The following IL10RB variants were observed in gnomAD, a reference collection of about 807,000 sequenced individuals.
IL10RB encodes interleukin-10 receptor subunit beta.
In IL10RB, 30 loss-of-function variants were observed where a neutral mutation model predicts 38.7. The observed-to-expected ratio is 0.78, with a 90% CI of 0.58 to 1.05. The LOEUF (loss-of-function observed/expected upper bound fraction) is 1.05, where lower values mean the gene tolerates loss of function less well. Ranked by LOEUF, IL10RB falls within the 50% of genes least tolerant of loss-of-function variation. The pLI is 0.00. For missense variants in IL10RB, 328 were observed against 397.1 expected (o/e 0.83, Z 1.48); for synonymous variants, 142 against 145.9 (o/e 0.97, Z 0.19).
chr21:33,284,070 C>T (rs936076970), intron 5 of IL10RB, among the ~76,000 whole-genome samples: 4 of 151,996 alleles, frequency 2.6e-5, no homozygotes, highest in Non-Finnish European at 2.9e-5. Context: ...CCGAGGCGGG[C>T]GGATCACCTG....
rs1269229004 is a variant in IL10RB at position 33,283,224 on chromosome 21, A to G, written c.629A>G (p.Glu210Gly). The part of the protein sequence containing the change: ...KAGEWSEPVC[E>G]QTTHDETVPS... The stretch of plus-strand genomic sequence containing the variant: ...GGGGAATGGAGTGAGCCTGTCTGTG[A>G]GCAAACAACCCATGACGGTAAGCCC... Residue 210 changes from glutamate (E) to glycine (G), a missense_variant, in exon 5 of 7, where the codon GAG becomes GGG. By Grantham distance (98) the Glu-to-Gly change is moderately conservative. Coordinates refer to ENST00000290200, the MANE Select transcript of IL10RB (RefSeq NM_000628.5). 1 of 1,613,966 alleles carries G rather than the reference A, an allele frequency of 6.2e-7. No individual in the cohort carries two copies. Among genetic ancestry groups the G allele is most frequent in the South Asian group, 1.1e-5 (1 of 91,066 alleles).
intron 6 of IL10RB, among the ~76,000 whole-genome samples, chr21:33,295,250 C>T (rs1237914427): frequency 2.0e-5 from 3 of 148,822 alleles, no homozygotes; most frequent in African/African-American, 4.9e-5. Flanking sequence ...CCCAGCTACT[C>T]GGGAGGCTGA....
intron 6 of IL10RB, among the ~76,000 whole-genome samples, chr21:33,291,279 T>C (rs959627917): frequency 8.6e-5 from 13 of 151,794 alleles, no homozygotes; most frequent in Non-Finnish European, 1.5e-4. Flanking sequence ...TTTCTTTTTT[T>C]TTTGGAGACG....
chr21:33,303,108 G>A (rs1466368060), intron 1 of IL10RB, among the ~76,000 whole-genome samples: 1 of 152,158 alleles, frequency 6.6e-6, no homozygotes, highest in African/African-American at 2.4e-5. Flanking sequence ...GAGTAGGGAA[G>A]GGGGAGCCAC....
intron 2 of IL10RB, 29 bp downstream of exon 2, chr21:33,268,546 C>G (rs376228024): frequency 1.2e-5 from 19 of 1,524,026 alleles, no homozygotes; most frequent in Non-Finnish European, 1.6e-5. Flanking sequence ...TTGGCAGGAA[C>G]GCACCGGAGG....
intron 2 of IL10RB, among the ~76,000 whole-genome samples, chr21:33,269,170 A>G (rs1269000382): frequency 6.6e-6 from 1 of 152,146 alleles, no homozygotes; most frequent in East Asian, 1.9e-4. Flanking sequence ...AGTGAGTGTC[A>G]CCCTAGACGG....
intron 1 of IL10RB, chr21:33,308,839 T>A (rs1240695390): frequency 6.6e-6 from 1 of 152,248 alleles, no homozygotes; most frequent in African/African-American, 2.4e-5. Flanking sequence ...TGTATTTTCA[T>A]CTATGTTATA....
intron 5 of IL10RB, among the ~76,000 whole-genome samples, chr21:33,285,022 C>G (rs1989347958): frequency 6.6e-6 from 1 of 152,154 alleles, no homozygotes; most frequent in Non-Finnish European, 1.5e-5. Flanking sequence ...TCCTGAATAG[C>G]TGGGATTACA....
chr21:33,276,337 C>T (rs987889346), intron 2 of IL10RB, among the ~76,000 whole-genome samples: 1 of 152,130 alleles, frequency 6.6e-6, no homozygotes, highest in Non-Finnish European at 1.5e-5. Flanking sequence ...TCATAAATCA[C>T]ATGCCCCTGT....
chr21:33,273,718 T>A (rs531813358), intron 2 of IL10RB, among the ~76,000 whole-genome samples: 1 of 152,370 alleles, frequency 6.6e-6, no homozygotes, highest in East Asian at 1.9e-4. Flanking sequence ...TGCTATCAAC[T>A]AAGTTTATGT....
chr21:33,295,095 G>T (rs2082958451), intron 6 of IL10RB, among the ~76,000 whole-genome samples: 1 of 152,212 alleles, frequency 6.6e-6, no homozygotes, highest in Admixed American at 6.5e-5. Context: ...GCCGGGTGCG[G>T]TGGCTCACGC....
intron 2 of IL10RB, among the ~76,000 whole-genome samples, chr21:33,268,942 C>CT (rs1392575312): frequency 6.6e-6 from 1 of 152,112 alleles, no homozygotes; most frequent in Non-Finnish European, 1.5e-5. Context: ...ACCCAAGAAA[C>CT]TGAGATATGC....
In IL10RB at chr21:33,288,226, T is replaced by TC. The variant is rs1177848015; in HGVS notation, c.773dup (p.Arg259Ter). On this transcript the variant is annotated frameshift_variant, in exon 6 of 7. Transcript: ENST00000290200. LOFTEE classifies it high-confidence loss of function. The stretch of plus-strand genomic sequence containing the variant: ...TTACAAGAAGACAAAGTACGCCTTC[T>TC]CCCCTAGGAATTCTCTTCCACAGCA... The TC allele has an allele frequency of 6.2e-7, 1 of 1,614,088 alleles. No homozygotes were observed. Among genetic ancestry groups the TC allele is most frequent in the Non-Finnish European group, 8.5e-7 (1 of 1,179,984 alleles).
At chr21:33,275,139 ACTT>A (rs1989145870) in intron 2 of IL10RB, among the ~76,000 whole-genome samples, 1 of 148,200 alleles carries the variant, frequency 6.7e-6, no homozygotes, top group African/African-American at 2.5e-5. Flanking sequence ...ACCTCTGCTA[ACTT>A]CCAACTTTTC....
At chr21:33,269,314 C>T (rs1419026936) in intron 2 of IL10RB, among the ~76,000 whole-genome samples, 1 of 152,234 alleles carries the variant, frequency 6.6e-6, no homozygotes, top group Non-Finnish European at 1.5e-5. Context: ...CTGCAGGTGA[C>T]ACACCTTTAG....
At chr21:33,296,110 G>T (rs771047171) in intron 6 of IL10RB, 74 bp from the exon 7 acceptor site, 180 of 1,123,240 alleles carry the variant, frequency 1.6e-4, no homozygotes, top group Non-Finnish European at 2.2e-4. Flanking sequence ...CAGGAGTTCT[G>T]TGAAAAAATC....
chr21:33,308,247 C>T (rs1256349615), intron 1 of IL10RB: 1 of 152,198 alleles, frequency 6.6e-6, no homozygotes, highest in Non-Finnish European at 1.5e-5. Flanking sequence ...CCAAAGGAAC[C>T]TTGTTCTTCA....
At chr21:33,273,933 C>T (rs1989125512) in intron 2 of IL10RB, among the ~76,000 whole-genome samples, 1 of 152,330 alleles carries the variant, frequency 6.6e-6, no homozygotes, top group East Asian at 1.9e-4. Context: ...TTCACCACAT[C>T]TGCAGTTACT....
intron 6 of IL10RB, among the ~76,000 whole-genome samples, chr21:33,290,604 T>G (rs1046689611): frequency 4.6e-5 from 7 of 152,198 alleles, no homozygotes; most frequent in African/African-American, 1.7e-4. Flanking sequence ...TTCCACCTGC[T>G]GGGGACACAG....
Sources: allele counts gnomAD v4.1 joint callset (sites outside exome capture counted in the v4.1 genomes callset), GRCh38; gene constraint gnomAD v4.1.1; transcripts MANE v1.5; gene names NCBI Gene and HGNC (gene_info 2026-07-23, HGNC 2026-07-21).